The following FBXW11 variants were observed in gnomAD, a reference collection of about 807,000 sequenced individuals.
FBXW11 encodes the protein F-box and WD repeat domain containing 11.
Under a neutral mutation model 77.6 loss-of-function variants are expected in FBXW11, and 19 were observed. The observed-to-expected ratio is 0.24, with a 90% confidence interval of 0.17 to 0.36. The LOEUF (loss-of-function observed/expected upper bound fraction) is 0.36, where lower values mean the gene tolerates loss of function less well. FBXW11 is among the 10% of genes least tolerant of loss of function. FBXW11 has a pLI of 1.00. For missense variants in FBXW11, 334 were observed against 704.2 expected (o/e 0.47, Z 5.95); for synonymous variants, 235 against 249.4 (o/e 0.94, Z 0.54).
intron 1 of FBXW11, among the ~76,000 whole-genome samples, chr5:171,963,648 T>C (rs889135259): frequency 2.0e-5 from 3 of 152,108 alleles, no homozygotes; most frequent in Admixed American, 6.5e-5. Context: ...CAGAGAGGAA[T>C]AGAAACAGAT....
chr5:171,951,351 T>C (rs1763303034), intron 2 of FBXW11, among the ~76,000 whole-genome samples: 1 of 151,746 alleles, frequency 6.6e-6, no homozygotes, highest in Admixed American at 6.6e-5. Flanking sequence ...GCCTGGGCAA[T>C]ATATCAAGAC....
intron 1 of FBXW11, among the ~76,000 whole-genome samples, chr5:171,992,960 A>T (rs903272797): frequency 6.6e-6 from 1 of 152,084 alleles, no homozygotes; most frequent in African/African-American, 2.4e-5. Flanking sequence ...CAGCAGTGAT[A>T]AAGGAACCTT....
intron 1 of FBXW11, among the ~76,000 whole-genome samples, chr5:171,991,135 C>G (rs1207814848): frequency 6.6e-6 from 1 of 151,890 alleles, no homozygotes; most frequent in African/African-American, 2.4e-5. Flanking sequence ...CCCTTTTGTA[C>G]CTTAATTTTG....
chr5:171,938,298 A>G (rs1430768066), intron 2 of FBXW11, among the ~76,000 whole-genome samples: 2 of 152,212 alleles, frequency 1.3e-5, no homozygotes, highest in African/African-American at 2.4e-5. Flanking sequence ...TCCTGGGCTC[A>G]GGCAATCCCC....
chr5:171,924,172 T>A (rs931740389), intron 2 of FBXW11, among the ~76,000 whole-genome samples: 7 of 151,826 alleles, frequency 4.6e-5, no homozygotes, highest in Admixed American at 6.6e-5. Flanking sequence ...TCCACCCACA[T>A]CGGCCTCCCA....
At chr5:171,931,848 CCTCCCTCCCTCCCTCTCTCT>C (rs1370475029) in intron 2 of FBXW11, among the ~76,000 whole-genome samples, 14 of 11,790 alleles carry the variant, frequency 1.2e-3, no homozygotes, top group African/African-American at 4.5e-3. Context: ...TCCCTCCCTC[CCTCCCTCCCTCCCTCTCTCT>C]CTCTCTCTCT....
intron 1 of FBXW11, among the ~76,000 whole-genome samples, chr5:171,967,651 C>T (rs902505977): frequency 4.0e-5 from 6 of 151,700 alleles, no homozygotes; most frequent in African/African-American, 1.5e-4. Flanking sequence ...ACTAGCCTGA[C>T]CAACATGGAA....
At chr5:172,005,684 C>T (rs1245000100) in intron 1 of FBXW11, among the ~76,000 whole-genome samples, 2 of 151,886 alleles carry the variant, frequency 1.3e-5, no homozygotes, top group African/African-American at 4.8e-5. Flanking sequence ...AAAGACCTCG[C>T]GGCAGTGATG....
intron 4 of FBXW11, among the ~76,000 whole-genome samples, chr5:171,902,641 C>T (rs1760205977): frequency 6.6e-6 from 1 of 152,198 alleles, no homozygotes; most frequent in Non-Finnish European, 1.5e-5. Context: ...ATCTCTGGTG[C>T]TATCATGCAA....
chr5:171,967,567 T>C lies in FBXW11; in HGVS notation c.46-9869A>G, dbSNP rs548749900. 5.3e-5 allele frequency among the ~76,000 whole-genome samples: 8 copies of C among 152,224 alleles called. No individual in the cohort carries two copies. The South Asian group carries it at 1.7e-3, about 32-fold the overall frequency. ...ATATAATATATACATAGGCCGGGCA[T>C]GGTGGCTCATGCCTGTAATCCCAGC... On this transcript the variant is annotated intron_variant, in intron 1 of 13. Transcript: ENST00000517395.
In FBXW11 at chr5:171,869,231, A is replaced by C. The variant is rs1757614791; in HGVS notation, c.1531-435T>G. Among the ~76,000 whole-genome samples the C allele has an allele frequency of 6.6e-6, 1 of 152,256 alleles. No homozygotes were observed. Among genetic ancestry groups the C allele is most frequent in the Admixed American group, 6.5e-5 (1 of 15,280 alleles). ...ATAAGAGTTCCCATTAAAATCAAGA[A>C]GACAGTTCTGCATCTTCTAGTAAAT... On this transcript the variant is annotated intron_variant, in intron 12 of 13. Transcript: ENST00000517395. This position sits in a 1 kb window ranked among gnomAD's most constrained non-coding sequence, Gnocchi z 4.1.
chr5:171,967,879 TATATACACACACAC>T (rs1316040766), intron 1 of FBXW11, among the ~76,000 whole-genome samples: 160 of 62,660 alleles, frequency 2.6e-3, no homozygotes, highest in African/African-American at 6.9e-3. Context: ...TATATATATA[TATATACACACACAC>T]ACACACACAC....
At chr5:171,884,073 T>C (rs983474997) in intron 7 of FBXW11, among the ~76,000 whole-genome samples, 1 of 45,958 alleles carries the variant, frequency 2.2e-5, no homozygotes, top group African/African-American at 3.5e-5. Flanking sequence ...TTTGTTTTTG[T>C]AGTATTTGCT....
chr5:171,930,963 A>G (rs1003732640), intron 2 of FBXW11, among the ~76,000 whole-genome samples: 1 of 152,076 alleles, frequency 6.6e-6, no homozygotes, highest in African/African-American at 2.4e-5. Context: ...TTAGGTATAA[A>G]TCTAACAATA....
Position 171,877,914 on chromosome 5 carries a change from T to C in FBXW11, c.971+97A>G, listed in dbSNP as rs184857492. On this transcript the variant is annotated intron_variant, in intron 8 of 13. Transcript: ENST00000517395. ...TAGTTTGAAATACAGCATGTAAAAA[T>C]GTAAGTTTGTGTATGCCTCTCCCAG... 3.3e-3 allele frequency: 2,885 copies of C among 863,630 alleles called. 11 individuals carry two copies. Among genetic ancestry groups the C allele is most frequent in the Middle Eastern group, 6.1e-3 (21 of 3,416 alleles). The allele number at this position is 863,630 out of a possible 1,614,324, so 53.5% of individuals were successfully genotyped here.
In FBXW11 at chr5:171,989,777, A is replaced by G. The variant is rs532607472; in HGVS notation, c.45+16681T>C. 1.2e-4 allele frequency among the ~76,000 whole-genome samples: 19 copies of G among 152,366 alleles called. No individual in the cohort carries two copies. In the East Asian group the frequency reaches 1.3e-3, roughly 11 times the overall value. On this transcript the variant is annotated intron_variant, in intron 1 of 13. Coordinates refer to ENST00000517395, the MANE Select transcript of FBXW11 (RefSeq NM_001378974.1). ...TAAAGAAGTGAGAGTGGTATCAAAGACATTCTTGAGACAATTAGGAAAATT... is the reference window on the plus strand; with the variant it reads ...TAAAGAAGTGAGAGTGGTATCAAAGGCATTCTTGAGACAATTAGGAAAATT...
chr5:171,914,667 T>C (rs947069275), intron 2 of FBXW11, among the ~76,000 whole-genome samples: 1 of 152,140 alleles, frequency 6.6e-6, no homozygotes, highest in African/African-American at 2.4e-5. Context: ...AAGGCTAAAT[T>C]GTGGGAGTAA....
At chr5:171,985,441 A>G (rs1438527000) in intron 1 of FBXW11, among the ~76,000 whole-genome samples, 4 of 152,076 alleles carry the variant, frequency 2.6e-5, no homozygotes, top group East Asian at 3.8e-4. Context: ...CCTGGGCAAC[A>G]GTGAGACCCA....
At chr5:172,001,800 G>C (rs1432136462) in intron 1 of FBXW11, among the ~76,000 whole-genome samples, 2 of 152,206 alleles carry the variant, frequency 1.3e-5, no homozygotes, top group African/African-American at 4.8e-5. Context: ...AGAGAAGATT[G>C]CTGAGATATA....
Sources: allele counts gnomAD v4.1 joint callset (sites outside exome capture counted in the v4.1 genomes callset), GRCh38; gene constraint gnomAD v4.1.1; non-coding constraint Gnocchi (gnomAD v3.1); transcripts MANE v1.5; gene names NCBI Gene and HGNC (gene_info 2026-07-23, HGNC 2026-07-21).